C1QTNF3: variants seen among roughly 807,000 people sequenced by gnomAD.
C1QTNF3 encodes the protein complement C1q tumor necrosis factor-related protein 3.
C1QTNF3 carries 26 observed loss-of-function variants against 32.6 expected under a neutral mutation model. The observed-to-expected ratio is 0.80, with a 90% confidence interval of 0.58 to 1.11. The LOEUF is 1.11. Ranked by LOEUF, C1QTNF3 falls within the 50% of genes least tolerant of loss-of-function variation. The probability of loss-of-function intolerance (pLI) is 0.00; values close to 1 mark genes in which losing one functional copy is unlikely to be tolerated. For missense variants in C1QTNF3, 362 were observed against 398.2 expected (o/e 0.91, Z 0.77); for synonymous variants, 155 against 146.0 (o/e 1.06, Z -0.44).
the C1QTNF3 span, among the ~76,000 whole-genome samples, chr5:34,120,124 A>C: frequency 6.6e-6 from 1 of 152,344 alleles, no homozygotes; most frequent in African/African-American, 2.4e-5. Flanking sequence ...TGCTTTTACA[A>C]TAAATAACAT....
the C1QTNF3 span, among the ~76,000 whole-genome samples, chr5:34,217,487 T>A: frequency 7.9e-5 from 12 of 152,186 alleles, no homozygotes; most frequent in East Asian, 1.5e-3. Flanking sequence ...TCAAGGTGAT[T>A]TCATGCTTCT....
intron 3 of C1QTNF3, among the ~76,000 whole-genome samples, chr5:34,029,591 C>G (rs1362803598): frequency 6.6e-6 from 1 of 152,178 alleles, no homozygotes; most frequent in African/African-American, 2.4e-5. Context: ...CTGATACCAG[C>G]CTTTATTAAC....
chr5:34,197,692 C>T, the C1QTNF3 span, among the ~76,000 whole-genome samples: 3 of 152,052 alleles, frequency 2.0e-5, no homozygotes, highest in East Asian at 1.9e-4. Context: ...CAGCATCCCC[C>T]GAAGCCTTTA....
chr5:34,161,753 T>A, the C1QTNF3 span, among the ~76,000 whole-genome samples: 9 of 152,136 alleles, frequency 5.9e-5, no homozygotes, highest in Non-Finnish European at 7.4e-5. Context: ...TGTAAATGTA[T>A]GAAAAAACAA....
At chr5:34,160,631 A>C in the C1QTNF3 span, among the ~76,000 whole-genome samples, 1 of 152,128 alleles carries the variant, frequency 6.6e-6, no homozygotes. Flanking sequence ...CAACTCCACC[A>C]CTTACTAAAT....
chr5:34,175,669 T>C, the C1QTNF3 span: 1 of 583,484 alleles, frequency 1.7e-6, no homozygotes. Flanking sequence ...ACAACTTACT[T>C]TTCCTAGGAA....
chr5:34,036,026 C>T (rs1310222321), intron 1 of C1QTNF3, among the ~76,000 whole-genome samples: 1 of 152,046 alleles, frequency 6.6e-6, no homozygotes, highest in Non-Finnish European at 1.5e-5. Flanking sequence ...GAAGTTGGGT[C>T]CTATTTCTGG....
the C1QTNF3 span, among the ~76,000 whole-genome samples, chr5:34,066,284 C>A: frequency 1.3e-5 from 2 of 152,288 alleles, no homozygotes; most frequent in African/African-American, 2.4e-5. Flanking sequence ...CTGACCATGA[C>A]CTGATGGTCA....
chr5:34,103,151 T>C, the C1QTNF3 span, among the ~76,000 whole-genome samples: 1 of 152,138 alleles, frequency 6.6e-6, no homozygotes, highest in Non-Finnish European at 1.5e-5. Context: ...CTAAAAAACA[T>C]ATAGGGACAA....
At chr5:34,080,419 T>C in the C1QTNF3 span, among the ~76,000 whole-genome samples, 3 of 151,786 alleles carry the variant, frequency 2.0e-5, no homozygotes, top group Non-Finnish European at 2.9e-5. Context: ...CTCCAGAGCC[T>C]GTGCTGTTAA....
chr5:34,065,712 G>A, the C1QTNF3 span, among the ~76,000 whole-genome samples: 1 of 151,986 alleles, frequency 6.6e-6, no homozygotes, highest in South Asian at 2.1e-4. Flanking sequence ...AGGCTGCAGA[G>A]AATAAAGAAC....
the C1QTNF3 span, among the ~76,000 whole-genome samples, chr5:34,163,711 C>T: frequency 6.6e-6 from 1 of 152,120 alleles, no homozygotes; most frequent in East Asian, 1.9e-4. Flanking sequence ...ATTATATTTT[C>T]AAATTAAAAA....
chr5:34,222,235 G>A, the C1QTNF3 span, among the ~76,000 whole-genome samples: 5 of 151,894 alleles, frequency 3.3e-5, no homozygotes, highest in East Asian at 1.9e-4. Context: ...CTTAGGGATT[G>A]TGTCAATTAT....
chr5:34,080,661 TTTC>T, the C1QTNF3 span, among the ~76,000 whole-genome samples: 788 of 151,792 alleles, frequency 5.2e-3, 2 homozygotes, highest in Non-Finnish European at 8.7e-3. Flanking sequence ...AATGCATTTC[TTTC>T]TTCTTTTGAT....
At chr5:34,173,551 ATTTGT>A in the C1QTNF3 span, among the ~76,000 whole-genome samples, 3 of 127,952 alleles carry the variant, frequency 2.3e-5, no homozygotes, top group Non-Finnish European at 4.8e-5. Flanking sequence ...TCAATTTCCC[ATTTGT>A]TTTATTTTAT....
chr5:34,056,426 G>T, the C1QTNF3 span, among the ~76,000 whole-genome samples: 14 of 4,378 alleles, frequency 3.2e-3, 1 homozygote, highest in South Asian at 0.076. Context: ...ATGTATGTGT[G>T]TGTGTGTGTG....
the C1QTNF3 span, among the ~76,000 whole-genome samples, chr5:34,122,344 G>A: frequency 1.6e-3 from 240 of 152,294 alleles, 9 homozygotes; most frequent in South Asian, 0.046. Flanking sequence ...GCAGAAATAA[G>A]CTTGGTAAAG....
At chr5:34,056,471 TATATATATAGAGAGAG>T in the C1QTNF3 span, among the ~76,000 whole-genome samples, 2 of 110,110 alleles carry the variant, frequency 1.8e-5, no homozygotes, top group South Asian at 6.6e-4. Flanking sequence ...TATATATATA[TATATATATAGAGAGAG>T]AGAGAGAGAG....
chr5:34,244,490 G>A, the C1QTNF3 span: 1 of 152,164 alleles, frequency 6.6e-6, no homozygotes, highest in Non-Finnish European at 1.5e-5. Context: ...ATTTCATAGA[G>A]AGCTGATGGG....
Sources: allele counts gnomAD v4.1 joint callset (sites outside exome capture counted in the v4.1 genomes callset), GRCh38; gene constraint gnomAD v4.1.1; transcripts MANE v1.5; gene names NCBI Gene and HGNC (gene_info 2026-07-23, HGNC 2026-07-21).